The following COL8A1 variants were observed in gnomAD, a reference collection of about 807,000 sequenced individuals.
COL8A1 encodes the protein collagen alpha-1(VIII) chain.
Under a neutral mutation model 42.7 loss-of-function variants are expected in COL8A1, and 21 were observed. That is an observed-to-expected ratio of 0.49 (90% confidence interval 0.35 to 0.71). COL8A1 has a LOEUF of 0.71. Ranked by LOEUF, COL8A1 falls within the 30% of genes least tolerant of loss-of-function variation. COL8A1 has a pLI of 0.01. For missense variants in COL8A1, 788 were observed against 962.4 expected (o/e 0.82, Z 2.40); for synonymous variants, 367 against 369.1 (o/e 0.99, Z 0.06).
intron 1 of COL8A1, among the ~76,000 whole-genome samples, chr3:99,705,067 T>C (rs1939641605): frequency 6.6e-6 from 1 of 152,138 alleles, no homozygotes; most frequent in South Asian, 2.1e-4. Flanking sequence ...ACTCCGTACC[T>C]CAGAAATAGA....
intron 1 of COL8A1, among the ~76,000 whole-genome samples, chr3:99,664,572 C>T (rs530843633): frequency 6.6e-6 from 1 of 152,320 alleles, no homozygotes; most frequent in East Asian, 1.9e-4. Flanking sequence ...TTGTACCCTG[C>T]TCTTTTACTC....
At chr3:99,717,392 C>T (rs1191328386) in intron 1 of COL8A1, among the ~76,000 whole-genome samples, 3 of 151,972 alleles carry the variant, frequency 2.0e-5, no homozygotes, top group Non-Finnish European at 2.9e-5. Context: ...TTGGAGTGTT[C>T]ATGGCCCTTC....
intron 1 of COL8A1, among the ~76,000 whole-genome samples, chr3:99,692,210 C>T (rs1316265553): frequency 6.6e-6 from 1 of 152,156 alleles, no homozygotes; most frequent in East Asian, 1.9e-4. Flanking sequence ...CTACATACAT[C>T]CATGGTACAA....
At chr3:99,697,012 A>G (rs1451135566) in intron 1 of COL8A1, among the ~76,000 whole-genome samples, 1 of 99,424 alleles carries the variant, frequency 1.0e-5, no homozygotes, top group East Asian at 3.3e-4. Context: ...TTTGAGACGG[A>G]GTCTCGCTCT....
chr3:99,731,252 A>T (rs1342547496), intron 1 of COL8A1, among the ~76,000 whole-genome samples: 2 of 152,184 alleles, frequency 1.3e-5, no homozygotes, highest in Admixed American at 1.3e-4. Flanking sequence ...TTTAGATTGG[A>T]TGTTCAAGAA....
intron 1 of COL8A1, among the ~76,000 whole-genome samples, chr3:99,699,075 G>A (rs191346435): frequency 4.6e-5 from 7 of 152,268 alleles, no homozygotes; most frequent in Admixed American, 2.6e-4. Context: ...GTTTCTCCAC[G>A]TGATAAATTC....
At chr3:99,705,052 G>T (rs1939641123) in intron 1 of COL8A1, among the ~76,000 whole-genome samples, 2 of 152,138 alleles carry the variant, frequency 1.3e-5, no homozygotes, top group South Asian at 2.1e-4. Flanking sequence ...AATTTGACAG[G>T]TGTGACTCCG....
intron 1 of COL8A1, among the ~76,000 whole-genome samples, chr3:99,640,013 T>A (rs1035230153): frequency 4.6e-5 from 7 of 152,218 alleles, no homozygotes; most frequent in African/African-American, 1.7e-4. Context: ...TTAACTTAGG[T>A]CTTCCAAACC....
At chr3:99,744,825 G>T (rs547730183) in intron 1 of COL8A1, 72 bp from the exon 2 acceptor site, 1 of 74,062 alleles carries the variant, frequency 1.4e-5, no homozygotes, top group Admixed American at 1.1e-4. Flanking sequence ...GTTCTCCTAT[G>T]ATCCAGAATA....
At chr3:99,722,458 GA>G (rs1410710510) in intron 1 of COL8A1, among the ~76,000 whole-genome samples, 1 of 152,072 alleles carries the variant, frequency 6.6e-6, no homozygotes, top group Non-Finnish European at 1.5e-5. Context: ...TACCTGACAA[GA>G]CTTATATTAA....
At chr3:99,656,680 T>C (rs747475232) in intron 1 of COL8A1, among the ~76,000 whole-genome samples, 11 of 152,222 alleles carry the variant, frequency 7.2e-5, no homozygotes, top group Non-Finnish European at 1.3e-4. Context: ...CCTTACAATC[T>C]TTCTTTTCCA....
intron 1 of COL8A1, among the ~76,000 whole-genome samples, chr3:99,696,224 A>G (rs1939362683): frequency 6.6e-6 from 1 of 152,222 alleles, no homozygotes; most frequent in African/African-American, 2.4e-5. Context: ...AATTCTAAAT[A>G]TTGTTTATCC....
At chr3:99,743,335 A>G (rs1221268369) in intron 1 of COL8A1, among the ~76,000 whole-genome samples, 2 of 152,210 alleles carry the variant, frequency 1.3e-5, no homozygotes, top group African/African-American at 4.8e-5. Flanking sequence ...TGGCTAAACC[A>G]AAGTTTATGT....
At chr3:99,735,212 C>T (rs1187734538) in intron 1 of COL8A1, among the ~76,000 whole-genome samples, 2 of 142,344 alleles carry the variant, frequency 1.4e-5, no homozygotes, top group Non-Finnish European at 3.0e-5. Context: ...TGAGAGAGGG[C>T]ATCCCTGTCT....
At chr3:99,654,525 C>T (rs1029287761) in intron 1 of COL8A1, among the ~76,000 whole-genome samples, 6 of 152,144 alleles carry the variant, frequency 3.9e-5, no homozygotes, top group Non-Finnish European at 7.3e-5. Flanking sequence ...CATTGGCTCA[C>T]ACCTGTAATC....
chr3:99,638,607 T>C lies in COL8A1; in HGVS notation c.-186T>C, dbSNP rs1049410373. 3 of 151,544 alleles carry C rather than the reference T, an allele frequency of 2.0e-5. No individual in the cohort carries two copies. Among genetic ancestry groups the C allele is most frequent in the African/African-American group, 7.3e-5 (3 of 41,086 alleles). The allele number at this position is 151,544 out of a possible 1,614,324, so 9.4% of individuals were successfully genotyped here. ...GTTACCAGCAGCGGATCACAGCCCTTCCCCGATCCTCTCCGTGGGAGCCAG... is the reference window on the plus strand; with the variant it reads ...GTTACCAGCAGCGGATCACAGCCCTCCCCCGATCCTCTCCGTGGGAGCCAG... On this transcript the variant is annotated 5_prime_UTR_variant, in exon 1 of 4. Coordinates refer to ENST00000652472, the MANE Select transcript of COL8A1 (RefSeq NM_020351.4).
At chr3:99,781,524 T>C (rs1484467959) in intron 2 of COL8A1, among the ~76,000 whole-genome samples, 1 of 152,168 alleles carries the variant, frequency 6.6e-6, no homozygotes, top group Non-Finnish European at 1.5e-5. Flanking sequence ...TACTATAAAA[T>C]TTATATTTTA....
chr3:99,720,022 T>C (rs1274828479), intron 1 of COL8A1, among the ~76,000 whole-genome samples: 1 of 152,162 alleles, frequency 6.6e-6, no homozygotes, highest in Non-Finnish European at 1.5e-5. Flanking sequence ...AGAATTATAG[T>C]CATTTATGGT....
Position 99,710,716 on chromosome 3 carries a change from T to C in COL8A1, c.-128-34181T>C, listed in dbSNP as rs1301391813. On this transcript the variant is annotated intron_variant, in intron 1 of 3. Coordinates refer to ENST00000652472, the MANE Select transcript of COL8A1 (RefSeq NM_020351.4). ...TGTGTGTTATTAATATTATTATCAT[T>C]ATTCCTATTTTATAGATGAGACAGG... is the stretch of plus-strand genomic sequence containing the variant. 2.0e-5 allele frequency among the ~76,000 whole-genome samples: 3 copies of C among 152,168 alleles called. No homozygotes were observed. The East Asian group carries it at 5.8e-4, about 29-fold the overall frequency.
Sources: gnomAD v4.1 joint callset for allele counts (sites outside exome capture counted in the v4.1 genomes callset) on GRCh38, gnomAD v4.1.1 for gene constraint, MANE v1.5 for transcripts, NCBI Gene and HGNC (gene_info 2026-07-23, HGNC 2026-07-21) for gene names.